Variants in CNOT2 observed in about 807,000 individuals in gnomAD.
CNOT2 encodes CC chemokine receptor 4-negative regulator of transcription 2.
In CNOT2, 7 loss-of-function variants were observed where a neutral mutation model predicts 72.1. The observed-to-expected ratio is 0.10, with a 90% confidence interval of 0.06 to 0.18. The LOEUF (loss-of-function observed/expected upper bound fraction) is 0.18. Among genes scored for constraint, CNOT2 ranks in the 10% least tolerant of loss-of-function variants. CNOT2 has a pLI of 1.00. For missense variants in CNOT2, 345 were observed against 660.3 expected, an observed-to-expected ratio of 0.52 and a Z score of 5.23; for synonymous variants, 196 against 225.6, an observed-to-expected ratio of 0.87 and a Z score of 1.17.
intron 6 of CNOT2, chr12:70,332,532 A>C (rs954066831): frequency 8.1e-6 from 4 of 496,504 alleles, no homozygotes; most frequent in African/African-American, 6.1e-5. Context: ...TAAATTTTTG[A>C]GTTTTTGTTT....
At chr12:70,304,943 C>G (rs570982209) in intron 2 of CNOT2, among the ~76,000 whole-genome samples, 1 of 152,206 alleles carries the variant, frequency 6.6e-6, no homozygotes, top group East Asian at 1.9e-4. Context: ...AGCAATGAGC[C>G]GGGCTCCGTG....
chr12:70,352,648 C>G (rs1883008068), intron 15 of CNOT2, among the ~76,000 whole-genome samples: 1 of 152,108 alleles, frequency 6.6e-6, no homozygotes, highest in Admixed American at 6.5e-5. Flanking sequence ...CTTCATAATT[C>G]TTTAAGTTGG....
chr12:70,320,991 T>G (rs930181973), intron 4 of CNOT2, among the ~76,000 whole-genome samples: 1 of 151,894 alleles, frequency 6.6e-6, no homozygotes, highest in Non-Finnish European at 1.5e-5. Context: ...TTTTTGTTTT[T>G]AAGGACATAC....
chr12:70,289,451 G>A (rs1019804279), intron 2 of CNOT2, among the ~76,000 whole-genome samples: 2 of 151,846 alleles, frequency 1.3e-5, no homozygotes, highest in African/African-American at 4.8e-5. Context: ...AGTCTTACAC[G>A]TGGGATTTGT....
intron 1 of CNOT2, among the ~76,000 whole-genome samples, chr12:70,272,697 C>T (rs759977731): frequency 7.2e-5 from 11 of 152,146 alleles, no homozygotes; most frequent in Non-Finnish European, 1.3e-4. Context: ...ACCAGCCTCC[C>T]ATGGGTCCTT....
In CNOT2 at chr12:70,330,541, C is replaced by T. The variant is rs1055749464; in HGVS notation, c.569+72C>T. 3.7e-6 allele frequency: 4 copies of T among 1,086,740 alleles called. No homozygotes were observed. The African/African-American group carries it at 6.4e-5, about 17-fold the overall frequency. 67.3% of individuals were successfully genotyped at this position (1,086,740 alleles called of 1,614,324 possible). On this transcript the variant is annotated intron_variant, in intron 6 of 15. Coordinates refer to ENST00000229195, the MANE Select transcript of CNOT2 (RefSeq NM_014515.7). ...TCAGATTTGCCTTTTCATATTTTCA[C>T]TTTGTTCTTGAGGTGTGGCTTCTCT...
intron 4 of CNOT2, 122 bp from the exon 5 acceptor site, chr12:70,329,301 C>T (rs1879573808): frequency 1.7e-6 from 1 of 597,338 alleles, no homozygotes; most frequent in South Asian, 2.5e-5. Flanking sequence ...CGAATATATC[C>T]ATTTAAAATT....
rs887067055 is a variant in CNOT2, at chr12:70,339,578, G to A, written c.1178+756G>A. 2.0e-5 allele frequency among the ~76,000 whole-genome samples: 3 copies of A among 152,102 alleles called. No homozygotes were observed. The South Asian group carries it at 6.2e-4, about 31-fold the overall frequency. Reference sequence around the variant, plus strand: ...TGACCTGTGCTACTGAGCTCTGCTAGAGAAAAACACATGATATCACTGCCT... The same window carrying A: ...TGACCTGTGCTACTGAGCTCTGCTAAAGAAAAACACATGATATCACTGCCT... On this transcript the variant is annotated intron_variant, in intron 11 of 15. Coordinates refer to ENST00000229195, the MANE Select transcript of CNOT2 (RefSeq NM_014515.7).
chr12:70,262,255 C>T (rs1958805578), intron 1 of CNOT2, among the ~76,000 whole-genome samples: 1 of 151,888 alleles, frequency 6.6e-6, no homozygotes, highest in African/African-American at 2.4e-5. Flanking sequence ...TTAGTTTGCT[C>T]ATCTTTTTCT....
At chr12:70,257,865 A>G (rs2135725126) in intron 1 of CNOT2, among the ~76,000 whole-genome samples, 1 of 152,288 alleles carries the variant, frequency 6.6e-6, no homozygotes, top group Middle Eastern at 3.4e-3. Flanking sequence ...GTTATCTTCC[A>G]AAGCTTTTAA....
chr12:70,289,161 T>A (rs1265339133), intron 2 of CNOT2, among the ~76,000 whole-genome samples: 1 of 152,032 alleles, frequency 6.6e-6, no homozygotes, highest in Non-Finnish European at 1.5e-5. Flanking sequence ...TGGTGATGAA[T>A]TATTTTAGGT....
At chr12:70,282,904 C>T (rs1395038957) in intron 2 of CNOT2, among the ~76,000 whole-genome samples, 1 of 152,016 alleles carries the variant, frequency 6.6e-6, no homozygotes, top group Non-Finnish European at 1.5e-5. Context: ...TAAACAATTT[C>T]CTAGATATAG....
chr12:70,289,904 G>T (rs1871581229), intron 2 of CNOT2, among the ~76,000 whole-genome samples: 1 of 151,858 alleles, frequency 6.6e-6, no homozygotes, highest in Non-Finnish European at 1.5e-5. Context: ...TTGGATGCCA[G>T]TCTTTGGAAA....
At chr12:70,286,574 T>G (rs998669772) in intron 2 of CNOT2, among the ~76,000 whole-genome samples, 3 of 150,004 alleles carry the variant, frequency 2.0e-5, no homozygotes, top group African/African-American at 7.3e-5. Flanking sequence ...TGCATGGATT[T>G]CTTATGTCTC....
chr12:70,307,794 C>T (rs1875691413), intron 2 of CNOT2: 1 of 152,102 alleles, frequency 6.6e-6, no homozygotes, highest in African/African-American at 2.4e-5. Flanking sequence ...CTACTACTCA[C>T]CACCCTATTA....
chr12:70,314,352 A>G (rs191164281), intron 3 of CNOT2, among the ~76,000 whole-genome samples: 77 of 151,768 alleles, frequency 5.1e-4, no homozygotes, highest in African/African-American at 1.8e-3. Flanking sequence ...CAGTTTTCTC[A>G]TCTGTAAAAT....
chr12:70,321,535 G>A (rs1341141703), intron 4 of CNOT2: 5 of 151,876 alleles, frequency 3.3e-5, no homozygotes, highest in African/African-American at 1.2e-4. Flanking sequence ...GTAGGTGAGT[G>A]TAGATTAGAG....
At chr12:70,334,587 A>G (rs1467353473) in intron 7 of CNOT2, 1 of 152,100 alleles carries the variant, frequency 6.6e-6, no homozygotes, top group Non-Finnish European at 1.5e-5. Flanking sequence ...AAAGGACGGT[A>G]GAAAGTTTTC....
chr12:70,270,578 G>A (rs962283991), intron 1 of CNOT2, among the ~76,000 whole-genome samples: 17 of 151,926 alleles, frequency 1.1e-4, no homozygotes, highest in Admixed American at 7.9e-4. Context: ...CTCCTCATAG[G>A]AAAATATCCA....
Sources: allele counts gnomAD v4.1 joint callset (sites outside exome capture counted in the v4.1 genomes callset), GRCh38; gene constraint gnomAD v4.1.1; transcripts MANE v1.5; gene names NCBI Gene and HGNC (gene_info 2026-07-23, HGNC 2026-07-21).